The following MDGA2 variants were observed in gnomAD, a reference collection of about 807,000 sequenced individuals.
MDGA2 encodes the protein MAM domain-containing glycosylphosphatidylinositol anchor protein 2.
In MDGA2, 40 loss-of-function variants were observed where a neutral mutation model predicts 117.8. The ratio of observed to expected loss-of-function variants is 0.34; its 90% CI spans 0.26 to 0.44. The LOEUF is 0.44. Among genes scored for constraint, MDGA2 ranks in the 20% least tolerant of loss-of-function variants. MDGA2 has a pLI of 1.00. For synonymous variants in MDGA2, 452 were observed against 439.0 expected (o/e 1.03, Z -0.37); for missense variants, 1,123 against 1,250.6 (o/e 0.90, Z 1.54).
intron 1 of MDGA2, among the ~76,000 whole-genome samples, chr14:47,494,103 AG>A (rs1425452961): frequency 6.6e-6 from 1 of 152,148 alleles, no homozygotes; most frequent in East Asian, 1.9e-4. Flanking sequence ...TGCCATGTGA[AG>A]AAGTACATGT....
intron 2 of MDGA2, among the ~76,000 whole-genome samples, chr14:47,243,545 G>A (rs1237225593): frequency 2.6e-5 from 4 of 151,322 alleles, no homozygotes; most frequent in Non-Finnish European, 5.9e-5. Context: ...TGAGCCCAGC[G>A]AGACCACGAG....
intron 2 of MDGA2, among the ~76,000 whole-genome samples, chr14:47,277,450 T>C (rs958216722): frequency 1.2e-4 from 19 of 152,312 alleles, no homozygotes; most frequent in African/African-American, 4.6e-4. Context: ...TCCCTAAATA[T>C]GTGTTGAGTG....
chr14:47,516,970 T>C (rs1285547219), intron 1 of MDGA2, among the ~76,000 whole-genome samples: 1 of 151,972 alleles, frequency 6.6e-6, no homozygotes, highest in Non-Finnish European at 1.5e-5. Flanking sequence ...AATAAAAAAA[T>C]TGCCCCATGC....
chr14:46,926,783 C>A (rs1884349570), intron 9 of MDGA2, among the ~76,000 whole-genome samples: 1 of 151,724 alleles, frequency 6.6e-6, no homozygotes, highest in East Asian at 1.9e-4. Context: ...TGTTTTACAA[C>A]AATAACTGCT....
intron 9 of MDGA2, 65 bp downstream of exon 9, chr14:46,957,309 A>G (rs1885600263): frequency 6.8e-7 from 1 of 1,465,164 alleles, no homozygotes; most frequent in South Asian, 1.3e-5. Context: ...TTATATTGAC[A>G]TAGGTCTAAG....
intron 8 of MDGA2, among the ~76,000 whole-genome samples, chr14:46,979,473 T>C (rs1307564313): frequency 1.3e-5 from 2 of 152,140 alleles, no homozygotes; most frequent in East Asian, 1.9e-4. Flanking sequence ...AAAGCTGAGA[T>C]AAGCCAATAG....
intron 10 of MDGA2, among the ~76,000 whole-genome samples, chr14:46,910,669 ATAGG>A (rs957781175): frequency 6.6e-6 from 1 of 152,156 alleles, no homozygotes; most frequent in Admixed American, 6.6e-5. Flanking sequence ...GGACATTCAA[ATAGG>A]TAGGAAGGAA....
intron 1 of MDGA2, among the ~76,000 whole-genome samples, chr14:47,431,395 A>C (rs2138527488): frequency 6.6e-6 from 1 of 152,154 alleles, no homozygotes; most frequent in African/African-American, 2.4e-5. Context: ...GGTCCTGAGT[A>C]AAAATAAAAT....
intron 8 of MDGA2, among the ~76,000 whole-genome samples, chr14:46,968,451 T>C (rs1886123823): frequency 6.6e-6 from 1 of 152,060 alleles, no homozygotes; most frequent in Admixed American, 6.6e-5. Flanking sequence ...ATAAAAAGCA[T>C]CTACATTAAA....
intron 1 of MDGA2, among the ~76,000 whole-genome samples, chr14:47,595,208 C>A (rs1410186953): frequency 6.6e-6 from 1 of 151,546 alleles, no homozygotes; most frequent in Non-Finnish European, 1.5e-5. Flanking sequence ...GATTTTCAAG[C>A]CATTTTTCTT....
At chr14:47,326,000 G>GGTTTA (rs1594797460) in intron 1 of MDGA2, among the ~76,000 whole-genome samples, 1 of 152,010 alleles carries the variant, frequency 6.6e-6, no homozygotes, top group Non-Finnish European at 1.5e-5. Context: ...CATGCAAAGG[G>GGTTTA]GTTTATTTGA....
chr14:46,958,970 G>C (rs1885673779), intron 8 of MDGA2, among the ~76,000 whole-genome samples: 1 of 152,100 alleles, frequency 6.6e-6, no homozygotes, highest in Admixed American at 6.6e-5. Flanking sequence ...ATATCGAGGA[G>C]TTGTCCAAAT....
chr14:47,498,579 G>A (rs536823095), intron 1 of MDGA2, among the ~76,000 whole-genome samples: 3 of 151,982 alleles, frequency 2.0e-5, no homozygotes, highest in Non-Finnish European at 4.4e-5. Context: ...GTGAACACAC[G>A]AAAACTTTCC....
chr14:47,264,933 T>A (rs1887916183), intron 2 of MDGA2, among the ~76,000 whole-genome samples: 2 of 152,138 alleles, frequency 1.3e-5, no homozygotes, highest in Non-Finnish European at 2.9e-5. Context: ...CAACTCCCAC[T>A]TATGTGTGAG....
chr14:47,013,624 G>A (rs1329614596), intron 8 of MDGA2, among the ~76,000 whole-genome samples: 1 of 151,156 alleles, frequency 6.6e-6, no homozygotes, highest in Non-Finnish European at 1.5e-5. Context: ...ATTTTGCCCA[G>A]ATTCATCAGA....
intron 1 of MDGA2, among the ~76,000 whole-genome samples, chr14:47,530,263 A>T (rs1895068058): frequency 6.6e-6 from 1 of 151,728 alleles, no homozygotes; most frequent in Non-Finnish European, 1.5e-5. Flanking sequence ...AGGCCTCTTT[A>T]GGGTTAAGGC....
chr14:47,275,544 T>C (rs1888284036), intron 2 of MDGA2, among the ~76,000 whole-genome samples: 1 of 152,166 alleles, frequency 6.6e-6, no homozygotes, highest in African/African-American at 2.4e-5. Flanking sequence ...AAGTCCAGTT[T>C]AAATATTTTA....
chr14:46,860,856 A>G (rs1402771701), intron 14 of MDGA2, among the ~76,000 whole-genome samples: 1 of 151,950 alleles, frequency 6.6e-6, no homozygotes, highest in Non-Finnish European at 1.5e-5. Flanking sequence ...TATAAAGCAT[A>G]TGCTGTACAC....
intron 1 of MDGA2, among the ~76,000 whole-genome samples, chr14:47,588,230 A>ATGTG (rs1491192917): frequency 7.2e-5 from 4 of 55,256 alleles, no homozygotes; most frequent in Admixed American, 7.1e-4. Context: ...TCTCTTGGAG[A>ATGTG]TAGATAGATA....
Sources: allele counts gnomAD v4.1 joint callset (sites outside exome capture counted in the v4.1 genomes callset), GRCh38; gene constraint gnomAD v4.1.1; transcripts MANE v1.5; gene names NCBI Gene and HGNC (gene_info 2026-07-23, HGNC 2026-07-21).